Variants in RIN3 observed in about 807,000 individuals in gnomAD.
RIN3 encodes Ras and Rab interactor 3.
In RIN3, 54 loss-of-function variants were observed where a neutral mutation model predicts 76.3. The observed-to-expected ratio is 0.71, with a 90% CI of 0.57 to 0.89. The LOEUF (loss-of-function observed/expected upper bound fraction) is 0.89, where lower values mean the gene tolerates loss of function less well. Ranked by LOEUF, RIN3 falls within the 40% of genes least tolerant of loss-of-function variation. RIN3 has a pLI of 0.00. For synonymous variants in RIN3, 576 were observed against 564.0 expected (o/e 1.02, Z -0.30); for missense variants, 1,256 against 1,322.1 (o/e 0.95, Z 0.78).
chr14:92,556,444 G>A (rs572480629), intron 2 of RIN3, among the ~76,000 whole-genome samples: 2 of 152,270 alleles, frequency 1.3e-5, no homozygotes, highest in East Asian at 1.9e-4. Context: ...CTGGGCACAC[G>A]GCTTAAATTT....
chr14:92,600,554 GC>G (rs1455786494), intron 3 of RIN3, among the ~76,000 whole-genome samples: 1 of 152,208 alleles, frequency 6.6e-6, no homozygotes, highest in African/African-American at 2.4e-5. Context: ...TCTCTGCACT[GC>G]TGGTGAAGAG....
intron 5 of RIN3, among the ~76,000 whole-genome samples, chr14:92,646,549 C>G (rs1048778284): frequency 1.3e-5 from 2 of 152,204 alleles, no homozygotes; most frequent in Non-Finnish European, 2.9e-5. Context: ...ATTCTCCTGC[C>G]TCAGCCTCTG....
intron 8 of RIN3, among the ~76,000 whole-genome samples, chr14:92,684,474 T>C (rs1051109303): frequency 5.9e-5 from 9 of 151,372 alleles, no homozygotes; most frequent in Admixed American, 5.3e-4. Context: ...TTACTGAAAG[T>C]AAAAAACAGG....
intron 1 of RIN3, among the ~76,000 whole-genome samples, chr14:92,526,323 G>A (rs1298382663): frequency 6.6e-6 from 1 of 152,166 alleles, no homozygotes; most frequent in Admixed American, 6.5e-5. Flanking sequence ...GCTGGGCGTG[G>A]TGGTGCATGC....
rs188926079 is a variant in RIN3, at chr14:92,574,288, G to A, written c.250-3072G>A. Among the ~76,000 whole-genome samples the A allele has an allele frequency of 3.9e-5, 6 of 152,312 alleles. No homozygotes were observed. In the East Asian group the frequency reaches 9.6e-4, roughly 24 times the overall value. On this transcript the variant is annotated intron_variant, in intron 2 of 9. Coordinates refer to ENST00000216487, the MANE Select transcript of RIN3 (RefSeq NM_024832.5). ...GATTTACATAGAGTACCAGAGATTGGCTGGACAGGTGTGCCATTTGCATTG... is the reference window on the plus strand; with the variant it reads ...GATTTACATAGAGTACCAGAGATTGACTGGACAGGTGTGCCATTTGCATTG...
At chr14:92,577,942 G>T (rs1332217845) in intron 3 of RIN3, among the ~76,000 whole-genome samples, 1 of 152,134 alleles carries the variant, frequency 6.6e-6, no homozygotes, top group African/African-American at 2.4e-5. Context: ...CAAACACTTT[G>T]AAAGACAAAA....
At chr14:92,627,192 C>CTTGACTGTGTGTGTGGCCCAAT (rs1190525832) in intron 4 of RIN3, among the ~76,000 whole-genome samples, 2 of 152,178 alleles carry the variant, frequency 1.3e-5, no homozygotes, top group African/African-American at 4.8e-5. Context: ...TGGATGCCCC[C>CTTGACTGTGTGTGTGGCCCAAT]TTGACTGTGT....
At chr14:92,553,141 T>C (rs1189554511) in intron 1 of RIN3, among the ~76,000 whole-genome samples, 4 of 151,582 alleles carry the variant, frequency 2.6e-5, no homozygotes, top group Non-Finnish European at 2.9e-5. Flanking sequence ...AAACAGACCT[T>C]GAGGGGGAAA....
intron 4 of RIN3, among the ~76,000 whole-genome samples, chr14:92,620,373 A>G (rs965769861): frequency 6.6e-6 from 1 of 152,210 alleles, no homozygotes; most frequent in African/African-American, 2.4e-5. Flanking sequence ...GAGAAATATG[A>G]CTCAAATTCT....
intron 4 of RIN3, among the ~76,000 whole-genome samples, chr14:92,636,869 A>T (rs1220565773): frequency 6.6e-6 from 1 of 151,214 alleles, no homozygotes; most frequent in Non-Finnish European, 1.5e-5. Flanking sequence ...GGACAATTTA[A>T]TGTGACCCTG....
chr14:92,555,880 A>C lies in RIN3; in HGVS notation c.174A>C (p.Lys58Asn). The change falls in exon 2 of 10, where the codon AAA becomes AAC. Residue 58 changes from lysine to asparagine, a missense_variant. Around this residue, in one of 3 missense-constraint regions of RIN3, gnomAD observed 610 missense variants for 626.4 expected, o/e 0.97. Transcript: ENST00000216487. ...RGISILEKLI[K>N]TCPVWLQLSL... Reference sequence around the variant, plus strand: ...TCAGCATCCTGGAGAAGCTCATCAAAACATGCCCGGTGTGGCTGCAGCTGA... The same window carrying C: ...TCAGCATCCTGGAGAAGCTCATCAACACATGCCCGGTGTGGCTGCAGCTGA... The C allele has an allele frequency of 6.2e-7, 1 of 1,614,054 alleles. No individual in the cohort carries two copies.
At chr14:92,553,791 C>G (rs1281771130) in intron 1 of RIN3, among the ~76,000 whole-genome samples, 1 of 152,098 alleles carries the variant, frequency 6.6e-6, no homozygotes, top group Non-Finnish European at 1.5e-5. Flanking sequence ...CAGTCCCAGT[C>G]AGTTCTCTCG....
At chr14:92,548,216 C>G (rs984680308) in intron 1 of RIN3, among the ~76,000 whole-genome samples, 1 of 152,002 alleles carries the variant, frequency 6.6e-6, no homozygotes, top group African/African-American at 2.4e-5. Flanking sequence ...TGCCAGGATA[C>G]GTAAACATGA....
At chr14:92,604,209 C>A (rs1372671840) in intron 3 of RIN3, among the ~76,000 whole-genome samples, 1 of 152,226 alleles carries the variant, frequency 6.6e-6, no homozygotes, top group Non-Finnish European at 1.5e-5. Context: ...CCATCCCCAG[C>A]CCATGGGGCC....
At chr14:92,609,270 C>T (rs1241563087) in intron 3 of RIN3, among the ~76,000 whole-genome samples, 6 of 152,120 alleles carry the variant, frequency 3.9e-5, no homozygotes, top group East Asian at 1.9e-4. Context: ...CATGTGTGTA[C>T]CCAGCATCTC....
intron 6 of RIN3, among the ~76,000 whole-genome samples, chr14:92,658,882 A>C (rs2140150171): frequency 6.6e-6 from 1 of 152,304 alleles, no homozygotes; most frequent in Admixed American, 6.5e-5. Context: ...CAGCCTTGTG[A>C]AAGTTTGCTC....
intron 1 of RIN3, among the ~76,000 whole-genome samples, chr14:92,525,705 C>G (rs1373069903): frequency 7.2e-5 from 11 of 152,146 alleles, no homozygotes; most frequent in Non-Finnish European, 1.3e-4. Flanking sequence ...TGCCAAAGCC[C>G]CCAATTCCCC....
intron 3 of RIN3, among the ~76,000 whole-genome samples, chr14:92,607,155 T>G (rs1235126030): frequency 1.3e-5 from 2 of 152,188 alleles, no homozygotes; most frequent in African/African-American, 4.8e-5. Context: ...TGAAAGGATG[T>G]TCAACATCAT....
intron 2 of RIN3, chr14:92,576,317 A>G (rs1382312957): frequency 7.8e-6 from 10 of 1,289,822 alleles, no homozygotes; most frequent in Non-Finnish European, 1.0e-5. Context: ...GAGCAGAACC[A>G]TTGCTTAGAG....
Sources: gnomAD v4.1 joint callset for allele counts (sites outside exome capture counted in the v4.1 genomes callset) on GRCh38, gnomAD v4.1.1 for gene constraint, gnomAD v4.1.1 regional missense constraint, MANE v1.5 for transcripts, NCBI Gene and HGNC (gene_info 2026-07-23, HGNC 2026-07-21) for gene names.